PPP1R9A: variants seen among roughly 807,000 people sequenced by gnomAD.
PPP1R9A encodes the protein protein phosphatase 1 regulatory subunit 9A.
PPP1R9A carries 59 observed loss-of-function variants against 141.9 expected under a neutral mutation model. The observed-to-expected ratio is 0.42, with a 90% CI of 0.34 to 0.52. PPP1R9A has a LOEUF of 0.52. Ranked by LOEUF, PPP1R9A falls within the 20% of genes least tolerant of loss-of-function variation. The probability of loss-of-function intolerance (pLI) is 0.10; values close to 1 mark genes in which losing one functional copy is unlikely to be tolerated. For synonymous variants in PPP1R9A, 500 were observed against 569.7 expected (o/e 0.88, Z 1.74); for missense variants, 1,444 against 1,611.9 (o/e 0.90, Z 1.78).
chr7:95,151,010 A>C (rs866469134), intron 4 of PPP1R9A, among the ~76,000 whole-genome samples: 1 of 152,234 alleles, frequency 6.6e-6, no homozygotes, highest in African/African-American at 2.4e-5. Flanking sequence ...CACTGACAAC[A>C]AATGCTGACA....
At chr7:95,242,635 TAAATG>T (rs1300572753) in intron 8 of PPP1R9A, among the ~76,000 whole-genome samples, 2 of 152,156 alleles carry the variant, frequency 1.3e-5, no homozygotes, top group Non-Finnish European at 2.9e-5. Context: ...TTCAGAATGT[TAAATG>T]AAAGCTCCTG....
intron 2 of PPP1R9A, among the ~76,000 whole-genome samples, chr7:95,038,505 G>T (rs1808767471): frequency 6.6e-6 from 1 of 152,034 alleles, no homozygotes; most frequent in Admixed American, 6.5e-5. Context: ...AAGTGGACAA[G>T]TAATCATCCT....
chr7:95,235,472 A>G (rs573454499), intron 8 of PPP1R9A, among the ~76,000 whole-genome samples: 3 of 152,326 alleles, frequency 2.0e-5, no homozygotes, highest in African/African-American at 4.8e-5. Flanking sequence ...ACAATGTGAT[A>G]CCACCTCACT....
intron 12 of PPP1R9A, among the ~76,000 whole-genome samples, chr7:95,267,187 G>GT (rs1350997146): frequency 1.3e-5 from 2 of 152,078 alleles, no homozygotes; most frequent in African/African-American, 4.8e-5. Context: ...ACAAACTGAG[G>GT]TGCTTCCTTG....
chr7:95,241,561 G>A (rs913515028), intron 8 of PPP1R9A, among the ~76,000 whole-genome samples: 32 of 152,044 alleles, frequency 2.1e-4, no homozygotes, highest in African/African-American at 7.7e-4. Context: ...GCAGTTTAAT[G>A]GAAGGTACGG....
chr7:95,188,663 A>G (rs1268563530), intron 5 of PPP1R9A, among the ~76,000 whole-genome samples: 4 of 149,862 alleles, frequency 2.7e-5, no homozygotes, highest in East Asian at 2.0e-4. Flanking sequence ...CAGTGGTGCA[A>G]TCTCGGCTCA....
intron 2 of PPP1R9A, among the ~76,000 whole-genome samples, chr7:95,037,700 C>A (rs191933189): frequency 1.3e-5 from 2 of 151,964 alleles, no homozygotes; most frequent in Non-Finnish European, 2.9e-5. Flanking sequence ...TGTGTGTGTG[C>A]GTGCGCGCGT....
Position 95,292,043 on chromosome 7 carries a change from C to G in PPP1R9A, c.*1740C>G, listed in dbSNP as rs1806435142. On this transcript the variant is annotated 3_prime_UTR_variant, in exon 20 of 20. Transcript: ENST00000433360. ...GAGTATTGTCGGTTATGCGTCAGCT[C>G]TTTTGTCATTAGGTACAGACCCTTC... The G allele has an allele frequency of 6.6e-6, 1 of 152,092 alleles. No homozygotes were observed. Among genetic ancestry groups the G allele is most frequent in the Non-Finnish European group, 1.5e-5 (1 of 68,018 alleles). 9.4% of individuals were successfully genotyped at this position (152,092 alleles called of 1,614,324 possible).
intron 12 of PPP1R9A, among the ~76,000 whole-genome samples, chr7:95,256,672 G>A (rs1186123522): frequency 6.6e-6 from 1 of 151,984 alleles, no homozygotes; most frequent in Admixed American, 6.6e-5. Context: ...AAAATTTAAG[G>A]AGTGAAAATA....
intron 5 of PPP1R9A, among the ~76,000 whole-genome samples, chr7:95,164,383 A>T (rs892622273): frequency 6.6e-6 from 1 of 151,486 alleles, no homozygotes; most frequent in African/African-American, 2.4e-5. Context: ...CCTTTATAGT[A>T]TTTTCTTTTT....
intron 2 of PPP1R9A, among the ~76,000 whole-genome samples, chr7:94,975,571 A>G (rs1799359026): frequency 6.6e-6 from 1 of 151,940 alleles, no homozygotes. Flanking sequence ...TATGTGTAAG[A>G]CAGCTGTTTG....
intron 5 of PPP1R9A, among the ~76,000 whole-genome samples, chr7:95,188,600 G>T (rs201028309): frequency 1.7e-3 from 227 of 133,416 alleles, no homozygotes; most frequent in Middle Eastern, 7.6e-3. Flanking sequence ...GTTGTGTTTT[G>T]TTTTTTTTTT....
At chr7:95,028,718 C>A (rs1807244727) in intron 2 of PPP1R9A, among the ~76,000 whole-genome samples, 1 of 152,100 alleles carries the variant, frequency 6.6e-6, no homozygotes, top group Non-Finnish European at 1.5e-5. Context: ...ATGCTTGTTA[C>A]GTAAAGAACA....
chr7:95,202,247 GT>G lies in PPP1R9A; in HGVS notation c.1891-1411del, dbSNP rs199515449. Among the ~76,000 whole-genome samples, 1,159 of 151,794 alleles carry G rather than the reference GT, an allele frequency of 7.6e-3. 28 individuals are homozygous for G. Among genetic ancestry groups the G allele is most frequent in the Admixed American group, 0.041 (618 of 15,254 alleles). ...AACTATTTAAATTTCTGCTTTTTCT[GT>G]TTTTTTCTTCCTCTACATCTTTAGA... On this transcript the variant is annotated intron_variant, in intron 6 of 19. Coordinates refer to ENST00000433360, the MANE Select transcript of PPP1R9A (RefSeq NM_001166160.2).
Position 95,269,272 on chromosome 7 carries a change from G to A in PPP1R9A, c.2889G>A (p.Thr963=), listed in dbSNP as rs370338223. ...TACTTCCACCTAAGGGTTTGAGAAC[G>A]TCTTCTCCAGAATCAGATTCTGGTG... ...TKLLPPKGLR[T]SSPESDSGVP... The change falls in exon 14 of 20, where the codon ACG becomes ACA. Residue 963 remains threonine, a synonymous_variant. Coordinates refer to ENST00000433360, the MANE Select transcript of PPP1R9A (RefSeq NM_001166160.2). 2.1e-4 allele frequency: 340 copies of A among 1,581,430 alleles called. No homozygotes were observed. The African/African-American group carries it at 4.1e-3, about 19-fold the overall frequency.
chr7:94,927,479 A>G (rs372228753), intron 2 of PPP1R9A, among the ~76,000 whole-genome samples: 6 of 152,190 alleles, frequency 3.9e-5, no homozygotes, highest in East Asian at 1.9e-4. Flanking sequence ...ATAACATTTT[A>G]TAATTACTAT....
At chr7:94,924,167 T>C (rs1793171112) in intron 2 of PPP1R9A, among the ~76,000 whole-genome samples, 1 of 152,202 alleles carries the variant, frequency 6.6e-6, no homozygotes, top group South Asian at 2.1e-4. Flanking sequence ...AAAAGAAAAT[T>C]GGAGTTCAAG....
At chr7:95,245,875 G>T (rs1798051172) in intron 8 of PPP1R9A, among the ~76,000 whole-genome samples, 1 of 152,124 alleles carries the variant, frequency 6.6e-6, no homozygotes, top group Non-Finnish European at 1.5e-5. Context: ...CTAGGAGCCG[G>T]TGAGGGTGCA....
intron 6 of PPP1R9A, among the ~76,000 whole-genome samples, chr7:95,201,671 G>C (rs750017677): frequency 1.3e-5 from 2 of 152,118 alleles, no homozygotes; most frequent in Non-Finnish European, 2.9e-5. Flanking sequence ...ATAGCTAATG[G>C]ATAAATGCTC....
Sources: gnomAD v4.1 joint callset for allele counts (sites outside exome capture counted in the v4.1 genomes callset) on GRCh38, gnomAD v4.1.1 for gene constraint, MANE v1.5 for transcripts, NCBI Gene and HGNC (gene_info 2026-07-23, HGNC 2026-07-21) for gene names.